The following ATRNL1 variants were observed in gnomAD, a reference collection of about 807,000 sequenced individuals.
ATRNL1 encodes attractin like 1, also known as attractin-like protein 1.
A neutral mutation model predicts 182.7 loss-of-function variants in ATRNL1; 95 were observed. That is an observed-to-expected ratio of 0.52 (90% CI 0.44 to 0.62). The LOEUF is 0.62. ATRNL1 is among the 20% of genes least tolerant of loss of function. The pLI is 0.00. For missense variants in ATRNL1, 1,471 were observed against 1,679.5 expected, an observed-to-expected ratio of 0.88 and a Z score of 2.17; for synonymous variants, 576 against 568.3, an observed-to-expected ratio of 1.01 and a Z score of -0.19.
intron 21 of ATRNL1, among the ~76,000 whole-genome samples, chr10:115,437,899 A>C (rs539889539): frequency 6.6e-6 from 1 of 152,126 alleles, no homozygotes; most frequent in South Asian, 2.1e-4. Context: ...GTCCTATGAC[A>C]TAGGCGGTTT....
At chr10:115,498,069 A>G (rs1447597034) in intron 24 of ATRNL1, among the ~76,000 whole-genome samples, 1 of 152,116 alleles carries the variant, frequency 6.6e-6, no homozygotes, top group Non-Finnish European at 1.5e-5. Flanking sequence ...ATTGATACCA[A>G]ATCTGAATTT....
chr10:115,776,713 G>A (rs1201084648), intron 27 of ATRNL1, among the ~76,000 whole-genome samples: 4 of 152,126 alleles, frequency 2.6e-5, no homozygotes, highest in South Asian at 4.1e-4. Flanking sequence ...CTGACAGCCA[G>A]CACCACCTTT....
In ATRNL1 at chr10:115,171,242, GAT is replaced by G; in HGVS notation, c.1301_1302del (p.Tyr434PhefsTer26). The stretch of plus-strand genomic sequence containing the variant: ...GATGTTGTCATGATCATAATATTTG[GAT>G]ATTCTGCAATATATGGTTATACAAG... On this transcript the variant is annotated frameshift_variant, in exon 8 of 29. Transcript: ENST00000355044. LOFTEE classifies it high-confidence loss of function. 6.2e-7 allele frequency: 1 copy of G among 1,609,430 alleles called. No homozygotes were observed. Among genetic ancestry groups the G allele is most frequent in the Non-Finnish European group, 8.5e-7 (1 of 1,176,870 alleles).
chr10:115,821,184 T>G (rs148614820), intron 27 of ATRNL1, among the ~76,000 whole-genome samples: 1 of 152,302 alleles, frequency 6.6e-6, no homozygotes, highest in East Asian at 1.9e-4. Context: ...TATAGCAGTG[T>G]GTGAACAGAC....
intron 9 of ATRNL1, among the ~76,000 whole-genome samples, chr10:115,238,471 G>A (rs1850276171): frequency 6.6e-6 from 1 of 151,972 alleles, no homozygotes; most frequent in Non-Finnish European, 1.5e-5. Context: ...ATTTTGTTAG[G>A]TTTCTACCTA....
At chr10:115,666,015 A>G (rs1197095227) in intron 26 of ATRNL1, among the ~76,000 whole-genome samples, 1 of 152,144 alleles carries the variant, frequency 6.6e-6, no homozygotes, top group Non-Finnish European at 1.5e-5. Context: ...TGAAAATAAC[A>G]TTGGTATGGT....
chr10:115,443,267 A>G (rs1367627569), intron 21 of ATRNL1, among the ~76,000 whole-genome samples: 4 of 151,970 alleles, frequency 2.6e-5, no homozygotes, highest in African/African-American at 9.7e-5. Context: ...TTGGTCTCAA[A>G]GTCTATAATT....
chr10:115,469,129 A>T (rs1554971528), intron 23 of ATRNL1, 43 bp from the exon 24 acceptor site: 1 of 764,394 alleles, frequency 1.3e-6, no homozygotes, highest in East Asian at 3.5e-5. Context: ...AAATTCATAA[A>T]GATATTTCCT....
intron 20 of ATRNL1, among the ~76,000 whole-genome samples, chr10:115,425,035 A>G (rs967441051): frequency 1.3e-5 from 2 of 152,140 alleles, no homozygotes; most frequent in African/African-American, 4.8e-5. Flanking sequence ...AAGGATTATC[A>G]TATTTTGACT....
At chr10:115,728,942 T>TA (rs1947701608) in intron 27 of ATRNL1, among the ~76,000 whole-genome samples, 1 of 152,184 alleles carries the variant, frequency 6.6e-6, no homozygotes, top group African/African-American at 2.4e-5. Context: ...ACAGAAAACT[T>TA]AGACTATTTT....
intron 26 of ATRNL1, among the ~76,000 whole-genome samples, chr10:115,564,618 CAT>C (rs1853962163): frequency 6.6e-6 from 1 of 151,800 alleles, no homozygotes. Context: ...ATACCTTGTA[CAT>C]GTTTTCATAT....
intron 24 of ATRNL1, among the ~76,000 whole-genome samples, chr10:115,492,346 A>G (rs902911165): frequency 7.9e-5 from 12 of 152,094 alleles, no homozygotes; most frequent in Non-Finnish European, 1.6e-4. Flanking sequence ...CTTCTTGATC[A>G]TTATAACTGA....
intron 26 of ATRNL1, among the ~76,000 whole-genome samples, chr10:115,592,161 G>A (rs1200265254): frequency 1.3e-5 from 2 of 152,098 alleles, no homozygotes; most frequent in Admixed American, 6.6e-5. Flanking sequence ...AGGTACTGGG[G>A]ACTACTAGGG....
intron 28 of ATRNL1, among the ~76,000 whole-genome samples, chr10:115,927,577 A>G (rs1464389253): frequency 6.6e-6 from 1 of 152,108 alleles, no homozygotes; most frequent in Non-Finnish European, 1.5e-5. Context: ...TCAACTATAT[A>G]TAAAAGCAAA....
At chr10:115,559,533 G>T (rs1441851173) in intron 26 of ATRNL1, among the ~76,000 whole-genome samples, 1 of 152,082 alleles carries the variant, frequency 6.6e-6, no homozygotes, top group Non-Finnish European at 1.5e-5. Context: ...TCTTGCCCCA[G>T]TCCTAGAATT....
intron 26 of ATRNL1, among the ~76,000 whole-genome samples, chr10:115,688,858 C>T (rs1555047188): frequency 6.6e-6 from 1 of 152,076 alleles, no homozygotes; most frequent in Non-Finnish European, 1.5e-5. Context: ...AGGGCTTTGC[C>T]ATAAAATCTT....
chr10:115,714,199 A>G (rs1222024666), intron 26 of ATRNL1, among the ~76,000 whole-genome samples: 4 of 152,206 alleles, frequency 2.6e-5, no homozygotes, highest in Non-Finnish European at 5.9e-5. Context: ...AAACAGCATC[A>G]GTTATAAAGA....
intron 26 of ATRNL1, among the ~76,000 whole-genome samples, chr10:115,686,312 CAA>C (rs1361751348): frequency 1.3e-5 from 2 of 151,938 alleles, no homozygotes; most frequent in Admixed American, 6.6e-5. Context: ...TTCCTTACAG[CAA>C]AAGACTCTGC....
intron 10 of ATRNL1, among the ~76,000 whole-genome samples, chr10:115,248,583 A>G (rs1268561701): frequency 2.0e-5 from 3 of 152,150 alleles, no homozygotes; most frequent in African/African-American, 7.2e-5. Flanking sequence ...ACACTATAAA[A>G]TAATTTCGCC....
Sources: allele counts gnomAD v4.1 joint callset (sites outside exome capture counted in the v4.1 genomes callset), GRCh38; gene constraint gnomAD v4.1.1; transcripts MANE v1.5; gene names NCBI Gene and HGNC (gene_info 2026-07-23, HGNC 2026-07-21).